RHBDF1: variants seen among roughly 807,000 people sequenced by gnomAD.
RHBDF1 encodes inactive rhomboid protein 1.
In RHBDF1, 80 loss-of-function variants were observed where a neutral mutation model predicts 98.6. The ratio of observed to expected loss-of-function variants is 0.81; its 90% CI spans 0.68 to 0.98. The LOEUF is 0.98. Ranked by LOEUF, RHBDF1 falls within the 50% of genes least tolerant of loss-of-function variation. RHBDF1 has a pLI of 0.00. For missense variants in RHBDF1, 1,116 were observed against 1,198.3 expected, an observed-to-expected ratio of 0.93 and a Z score of 1.01; for synonymous variants, 512 against 486.8, an observed-to-expected ratio of 1.05 and a Z score of -0.68.
chr16:59,854 TCAGGGCCTCCCC>T, intron 13 of RHBDF1, 28 bp from the exon 14 acceptor site: 1 of 1,613,834 alleles, frequency 6.2e-7, no homozygotes, highest in Non-Finnish European at 8.5e-7. Context: ...ACGAGCTGAG[TCAGGGCCTCCCC>T]CAACCTTTGG....
At chr16:69,591 G>A (rs748870858) in intron 1 of RHBDF1, among the ~76,000 whole-genome samples, 1 of 152,124 alleles carries the variant, frequency 6.6e-6, no homozygotes, top group Admixed American at 6.5e-5. Context: ...CCCTTGAGAA[G>A]GGGGTCACCA....
At chr16:58,913 C>T (rs1361360724) in intron 17 of RHBDF1, 61 bp downstream of exon 17, 1 of 1,593,934 alleles carries the variant, frequency 6.3e-7, no homozygotes, top group African/African-American at 1.3e-5. Context: ...TCGATATGGA[C>T]AGGTTCACAG....
rs758272706 is a variant in RHBDF1, at chr16:61,803, G to T, written c.1203C>A (p.Asp401Glu). The T allele has an allele frequency of 1.2e-6, 2 of 1,612,792 alleles. No homozygotes were observed. The highest frequency in any genetic ancestry group is 8.5e-7 in the Non-Finnish European group (1 of 1,179,722). ...FVKRQIEDMDDHRPFFTYWLT... is the reference protein window; with the variant it reads ...FVKRQIEDMDEHRPFFTYWLT... ...GCCTTGCCTGCCACGCCTACCTGTGGTCGTCCATGTCCTCGATCTGGCGCT... is the reference window on the plus strand; with the variant it reads ...GCCTTGCCTGCCACGCCTACCTGTGTTCGTCCATGTCCTCGATCTGGCGCT... The change falls in exon 8 of 18, where the codon GAC becomes GAA. Residue 401 changes from aspartate (D) to glutamate (E), a missense_variant. Asp to Glu is a conservative substitution (Grantham distance 45). Coordinates refer to ENST00000262316, the MANE Select transcript of RHBDF1 (RefSeq NM_022450.5).
chr16:63,544 G>A (rs1193573358), intron 4 of RHBDF1, 43 bp downstream of exon 4: 1 of 1,467,498 alleles, frequency 6.8e-7, no homozygotes, highest in Non-Finnish European at 9.2e-7. Flanking sequence ...GCCCCTGAGA[G>A]CGGAAGGAGG....
intron 1 of RHBDF1, among the ~76,000 whole-genome samples, chr16:66,340 A>T (rs974616309): frequency 6.6e-6 from 1 of 152,186 alleles, no homozygotes; most frequent in African/African-American, 2.4e-5. Context: ...CCTATGCTGT[A>T]CAAATAGGGA....
chr16:59,032 A>C lies in RHBDF1; in HGVS notation c.2090T>G (p.Leu697Arg). Residue 697 changes from leucine (L) to arginine (R), a missense_variant, in exon 17 of 18, where the codon CTG (leucine) becomes CGG (arginine). Physicochemically the swap from Leu to Arg is moderately radical, Grantham distance 102 (BLOSUM62 -2). Transcript: ENST00000262316. ...CAGGTTGCCGGTGACACCACTCAGC[A>C]GGTAGATGATGGCTATGCGGTGCCA... ...AGWHRIAIIY[L>R]LSGVTGNLAS... is the part of the protein sequence containing the mutation. 3 of 1,613,440 alleles carry C rather than the reference A, an allele frequency of 1.9e-6. No individual in the cohort carries two copies. Among genetic ancestry groups the C allele is most frequent in the Non-Finnish European group, 2.5e-6 (3 of 1,180,018 alleles).
intron 9 of RHBDF1, 28 bp from the exon 10 acceptor site, chr16:61,487 G>A (rs1305986411): frequency 6.8e-6 from 11 of 1,612,086 alleles, no homozygotes; most frequent in Non-Finnish European, 9.3e-6. Flanking sequence ...GGGATCAGAC[G>A]GGCCCCGACT....
rs1192603373 is a variant in RHBDF1, at chr16:63,076, C to A, written c.569G>T (p.Cys190Phe). 2 of 1,612,200 alleles carry A rather than the reference C, an allele frequency of 1.2e-6. No homozygotes were observed. Among genetic ancestry groups the A allele is most frequent in the Non-Finnish European group, 1.7e-6 (2 of 1,179,512 alleles). ...ACCTGAGCGGGAGCTGGAGAAGGAG[C>A]AGAGGGAGGCAGCACCCGGCGTGAC... Reference protein sequence around the residue: ...TPVTPGAASLCSFSSSRSGFH... With the variant: ...TPVTPGAASLFSFSSSRSGFH... Residue 190 changes from cysteine (C) to phenylalanine (F), a missense_variant, in exon 5 of 18, where the codon TGC becomes TTC. Coordinates refer to ENST00000262316, the MANE Select transcript of RHBDF1 (RefSeq NM_022450.5).
At position 63,673 on chromosome 16, in the gene RHBDF1, G is replaced by A; in HGVS notation, c.376C>T (p.Leu126=). ...AGCGACACGTTGTCCTGGCTGGGCA[G>A]GTCCAGCTCCCGGAGGACCTGGGGC... is the stretch of plus-strand genomic sequence containing the variant. The part of the protein sequence containing the change: ...LKPQVLRELD[L]PSQDNVSLTS... Residue 126 remains leucine (L), a synonymous_variant, in exon 4 of 18, where the codon CTG becomes TTG. Transcript: ENST00000262316. 1 of 1,612,598 alleles carries A rather than the reference G, an allele frequency of 6.2e-7. No individual in the cohort carries two copies. The highest frequency in any genetic ancestry group is 2.2e-5 in the East Asian group (1 of 44,874).
At position 61,249 on chromosome 16, in the gene RHBDF1, C is replaced by T. The variant is rs79691782; in HGVS notation, c.1428G>A (p.Ser476=). ...EALIHLGAKF[S]PCMRQDPQVH... is the part of the protein sequence containing the mutation. ...CCTGCGGGTCCTGGCGCATGCAGGG[C>T]GAAAACTTGGCGCCCAGGTGGATGA... Residue 476 remains serine (S), a synonymous_variant, in exon 11 of 18, where the codon TCG becomes TCA. Coordinates refer to ENST00000262316, the MANE Select transcript of RHBDF1 (RefSeq NM_022450.5). 107,863 of 1,545,088 alleles carry T rather than the reference C, an allele frequency of 0.07. 4,330 individuals are homozygous for T. Among genetic ancestry groups the T allele is most frequent in the Non-Finnish European group, 0.081 (92,434 of 1,144,228 alleles).
intron 3 of RHBDF1, chr16:64,059 C>G: frequency 1.5e-6 from 1 of 652,506 alleles, no homozygotes. Flanking sequence ...CCCCACCATC[C>G]CTGAGGGGCA....
upstream of RHBDF1, chr16:73,768 C>T (rs1211653522): frequency 5.9e-6 from 1 of 168,902 alleles, no homozygotes; most frequent in African/African-American, 2.4e-5. Flanking sequence ...TCACAAGGTG[C>T]TGCTGCTTCA....
At position 61,164 on chromosome 16, in the gene RHBDF1, T is replaced by C; in HGVS notation, c.1513A>G (p.Asn505Asp). ...GTCTGCACGCAGCCCGACCTGTCGT[T>C]GCGCACGCAGCAGGCGGAGTGCTTC... The part of the protein sequence containing the change: ...REKHSACCVR[N>D]DRSGCVQTSE... The change falls in exon 11 of 18, where the codon AAC (asparagine) becomes GAC (aspartate). Residue 505 changes from asparagine (N) to aspartate (D), a missense_variant. Coordinates refer to ENST00000262316, the MANE Select transcript of RHBDF1 (RefSeq NM_022450.5). 6.5e-7 allele frequency: 1 copy of C among 1,539,800 alleles called. No individual in the cohort carries two copies. The highest frequency in any genetic ancestry group is 8.7e-7 in the Non-Finnish European group (1 of 1,145,214).
intron 1 of RHBDF1, among the ~76,000 whole-genome samples, chr16:70,905 G>A (rs748100980): frequency 2.0e-5 from 3 of 152,156 alleles, no homozygotes; most frequent in Non-Finnish European, 2.9e-5. Flanking sequence ...CCCCAAAATC[G>A]TCCAACTCAG....
chr16:59,326 A>G lies in RHBDF1; in HGVS notation c.1917T>C (p.Cys639=), dbSNP rs758880756. Residue 639 remains cysteine, a synonymous_variant, in exon 16 of 18, where the codon TGT becomes TGC. Coordinates refer to ENST00000262316, the MANE Select transcript of RHBDF1 (RefSeq NM_022450.5). Reference sequence around the variant, plus strand: ...CGGGGTTGAGAAAAGGCAGGAGCCCACACACATCATCCATGCAGTGCACCT... The same window carrying G: ...CGGGGTTGAGAAAAGGCAGGAGCCCGCACACATCATCCATGCAGTGCACCT... ...CSQVHCMDDV[C]GLLPFLNPEV... 4.7e-5 allele frequency: 75 copies of G among 1,612,424 alleles called. No individual in the cohort carries two copies. The highest frequency in any genetic ancestry group is 6.1e-5 in the Non-Finnish European group (72 of 1,179,070).
At chr16:60,902 C>A (rs770119382) in intron 11 of RHBDF1, 12 of 600,288 alleles carry the variant, frequency 2.0e-5, no homozygotes, top group Middle Eastern at 3.4e-4. Flanking sequence ...AGAGTACACC[C>A]AAATCAAAAG....
chr16:74,669 G>C (rs1957365478), upstream of RHBDF1: 1 of 152,096 alleles, frequency 6.6e-6, no homozygotes, highest in Admixed American at 6.5e-5. Context: ...TCAGTGTCAG[G>C]CCTCTGAGCC....
chr16:72,276 G>A (rs1031333610), intron 1 of RHBDF1, among the ~76,000 whole-genome samples: 1 of 152,160 alleles, frequency 6.6e-6, no homozygotes, highest in African/African-American at 2.4e-5. Flanking sequence ...CGCCGGGCTA[G>A]GAATCCGGGG....
In RHBDF1 at chr16:61,887, C is replaced by A. The variant is rs558178061; in HGVS notation, c.1119G>T (p.Leu373=). The change falls in exon 8 of 18, where the codon CTG becomes CTT. Residue 373 remains leucine, a synonymous_variant. Transcript: ENST00000262316. Reference sequence around the variant, plus strand: ...GGTTGGTGAGCCGTCCCACCATGCCCAGCCCATACGGCCGCTTCTCCCGGG... The same window carrying A: ...GGTTGGTGAGCCGTCCCACCATGCCAAGCCCATACGGCCGCTTCTCCCGGG... The part of the protein sequence containing the change: ...LFAREKRPYG[L]GMVGRLTNRT... The A allele has an allele frequency of 6.2e-7, 1 of 1,608,548 alleles. No homozygotes were observed. Among genetic ancestry groups the A allele is most frequent in the East Asian group, 2.2e-5 (1 of 44,866 alleles).
Sources: allele counts gnomAD v4.1 joint callset (sites outside exome capture counted in the v4.1 genomes callset), GRCh38; gene constraint gnomAD v4.1.1; transcripts MANE v1.5; gene names NCBI Gene and HGNC (gene_info 2026-07-23, HGNC 2026-07-21).